The following BPGM variants were observed in gnomAD, a reference collection of about 807,000 sequenced individuals.
BPGM encodes the protein bisphosphoglycerate mutase.
In BPGM, 15 loss-of-function variants were observed where a neutral mutation model predicts 21.6. The observed-to-expected ratio is 0.70, with a 90% CI of 0.47 to 1.07. The LOEUF is 1.07. Ranked by LOEUF, BPGM falls within the 50% of genes least tolerant of loss-of-function variation. The pLI, the probability that BPGM is intolerant of heterozygous loss-of-function variation, is 0.00. For missense variants in BPGM, 273 were observed against 319.0 expected, an observed-to-expected ratio of 0.86 and a Z score of 1.10; for synonymous variants, 113 against 116.2, an observed-to-expected ratio of 0.97 and a Z score of 0.18.
At chr7:134,655,086 C>T (rs896119711) in intron 1 of BPGM, among the ~76,000 whole-genome samples, 1 of 151,970 alleles carries the variant, frequency 6.6e-6, no homozygotes, top group Non-Finnish European at 1.5e-5. Context: ...TACTTAAGTG[C>T]CAGTAACTTT....
rs889914935 is a variant in BPGM at position 134,679,255 on chromosome 7, G to A, written c.*224G>A. On this transcript the variant is annotated 3_prime_UTR_variant, in exon 3 of 3. Transcript: ENST00000344924. ...TAGCTTTCTTGCTAGCCCCCTAGTC[G>A]GTCACCAAACTAGTAACTAGTGGGG... The A allele has an allele frequency of 1.8e-5, 10 of 554,542 alleles. No homozygotes were observed. Among genetic ancestry groups the A allele is most frequent in the African/African-American group, 9.4e-5 (5 of 53,010 alleles). The allele number at this position is 554,542 out of a possible 1,614,324, so 34.4% of individuals were successfully genotyped here.
intron 2 of BPGM, among the ~76,000 whole-genome samples, chr7:134,665,178 TG>T (rs1795795557): frequency 6.6e-6 from 1 of 151,758 alleles, no homozygotes; most frequent in African/African-American, 2.4e-5. Flanking sequence ...CAGTGGGGGG[TG>T]GCAAACATAC....
chr7:134,666,948 T>G (rs1281743168), intron 2 of BPGM, among the ~76,000 whole-genome samples: 1 of 152,196 alleles, frequency 6.6e-6, no homozygotes, highest in Non-Finnish European at 1.5e-5. Context: ...TTTAGTGAGA[T>G]TTTAGCCCTT....
chr7:134,662,652 A>G (rs1305401971), intron 2 of BPGM, among the ~76,000 whole-genome samples: 1 of 152,204 alleles, frequency 6.6e-6, no homozygotes, highest in Non-Finnish European at 1.5e-5. Flanking sequence ...TGCTGTTCCT[A>G]GACGTAGGTT....
rs186198108 is a variant in BPGM, at chr7:134,657,929, T to C, written c.-61-3518T>C. Among the ~76,000 whole-genome samples, 668 of 152,288 alleles carry C rather than the reference T, an allele frequency of 4.4e-3. 3 individuals carry two copies. The highest frequency in any genetic ancestry group is 6.9e-3 in the Non-Finnish European group (470 of 68,016). ...TGGGTTCTGACCGTCTCCTGGGGTATAGTGGCTGTACCATTTATCTGTGGC... is the reference window on the plus strand; with the variant it reads ...TGGGTTCTGACCGTCTCCTGGGGTACAGTGGCTGTACCATTTATCTGTGGC... On this transcript the variant is annotated intron_variant, in intron 1 of 2. Coordinates refer to ENST00000344924, the MANE Select transcript of BPGM (RefSeq NM_001724.5).
In BPGM at chr7:134,679,086, T is replaced by C. The variant is rs1394484636; in HGVS notation, c.*55T>C. 19 of 1,577,414 alleles carry C rather than the reference T, an allele frequency of 1.2e-5. No homozygotes were observed. The East Asian group carries it at 3.8e-4, about 32-fold the overall frequency. Reference sequence around the variant, plus strand: ...GCAAAAGAAGTGGCATAGGAGTGTGTTATGGGTGCTGAACTCTCTCTCTTT... The same window carrying C: ...GCAAAAGAAGTGGCATAGGAGTGTGCTATGGGTGCTGAACTCTCTCTCTTT... On this transcript the variant is annotated 3_prime_UTR_variant, in exon 3 of 3. Coordinates refer to ENST00000344924, the MANE Select transcript of BPGM (RefSeq NM_001724.5).
In BPGM at chr7:134,661,314, G is replaced by A; in HGVS notation, c.-61-133G>A. 1 of 692,098 alleles carries A rather than the reference G, an allele frequency of 1.4e-6. No homozygotes were observed. The allele number at this position is 692,098 out of a possible 1,614,324, so 42.9% of individuals were successfully genotyped here. ...AGAATATGCCTGTATGTGTCACAGT[G>A]TATGAGTTATCACATTTCTGACTGT... On this transcript the variant is annotated intron_variant, in intron 1 of 2. Transcript: ENST00000344924. The surrounding 1 kb of genome is among the most constrained non-coding windows in gnomAD (Gnocchi z 4.6).
chr7:134,665,804 T>C (rs886785380), intron 2 of BPGM, among the ~76,000 whole-genome samples: 3 of 151,972 alleles, frequency 2.0e-5, no homozygotes, highest in Non-Finnish European at 4.4e-5. Context: ...TTTATTTTTA[T>C]TTTTTTAAGT....
chr7:134,651,054 T>C (rs1022843348), intron 1 of BPGM, among the ~76,000 whole-genome samples: 6 of 152,210 alleles, frequency 3.9e-5, no homozygotes, highest in African/African-American at 1.4e-4. Flanking sequence ...CCATCTTCTA[T>C]AAAGTTAGAT....
chr7:134,668,957 G>A (rs1795861411), intron 2 of BPGM, among the ~76,000 whole-genome samples: 1 of 152,148 alleles, frequency 6.6e-6, no homozygotes, highest in African/African-American at 2.4e-5. Context: ...TGATAGAGCT[G>A]TTTTATATCC....
chr7:134,667,746 C>A (rs1254131440), intron 2 of BPGM, among the ~76,000 whole-genome samples: 4 of 152,146 alleles, frequency 2.6e-5, no homozygotes, highest in Non-Finnish European at 5.9e-5. Context: ...ATGTAAACTT[C>A]TCCCATATAA....
intron 2 of BPGM, among the ~76,000 whole-genome samples, chr7:134,672,287 T>G (rs958067029): frequency 6.8e-5 from 1 of 14,634 alleles, no homozygotes; most frequent in Non-Finnish European, 9.0e-5. Context: ...AACACAGACT[T>G]AAAGACTTCA....
At chr7:134,660,751 C>CT (rs1433706152) in intron 1 of BPGM, 1 of 152,238 alleles carries the variant, frequency 6.6e-6, no homozygotes, top group Non-Finnish European at 1.5e-5. Context: ...GCTGAAAACT[C>CT]TATCTTGAGG....
intron 1 of BPGM, among the ~76,000 whole-genome samples, chr7:134,655,556 T>C (rs979707906): frequency 2.0e-5 from 3 of 152,186 alleles, no homozygotes; most frequent in Admixed American, 6.5e-5. Flanking sequence ...TTTTTTTCTG[T>C]GGAGATTATG....
In BPGM at chr7:134,672,551, G is replaced by A. The variant is rs566671514; in HGVS notation, c.602-6302G>A. 8.5e-5 allele frequency among the ~76,000 whole-genome samples: 13 copies of A among 152,276 alleles called. No individual in the cohort carries two copies. The South Asian group carries it at 2.7e-3, about 32-fold the overall frequency. On this transcript the variant is annotated intron_variant, in intron 2 of 2. Transcript: ENST00000344924. ...ACTGTATTTAACTCCACACCACTGTGGAGAGGGGTAGGTACAGGGTGAGAA... is the reference window on the plus strand; with the variant it reads ...ACTGTATTTAACTCCACACCACTGTAGAGAGGGGTAGGTACAGGGTGAGAA...
intron 2 of BPGM, among the ~76,000 whole-genome samples, chr7:134,678,522 C>G (rs1220725200): frequency 6.6e-6 from 1 of 152,284 alleles, no homozygotes; most frequent in Non-Finnish European, 1.5e-5. Flanking sequence ...TCTGATTTTT[C>G]GAGATTACCT....
chr7:134,679,376 T>C lies in BPGM; in HGVS notation c.*345T>C, dbSNP rs1172376460. On this transcript the variant is annotated 3_prime_UTR_variant, in exon 3 of 3. Coordinates refer to ENST00000344924, the MANE Select transcript of BPGM (RefSeq NM_001724.5). ...TCAAGAAATCATTATTGAGTCACCATTGACAGGCACTATTCTAATCAGTAG... is the reference window on the plus strand; with the variant it reads ...TCAAGAAATCATTATTGAGTCACCACTGACAGGCACTATTCTAATCAGTAG... The C allele has an allele frequency of 3.3e-6, 1 of 299,060 alleles. No individual in the cohort carries two copies. The highest frequency in any genetic ancestry group is 7.9e-5 in the East Asian group (1 of 12,596). The allele number at this position is 299,060 out of a possible 1,614,324, so 18.5% of individuals were successfully genotyped here.
rs1274666871 is a variant in BPGM at position 134,654,645 on chromosome 7, A to G, written c.-61-6802A>G. Among the ~76,000 whole-genome samples, 6 of 152,298 alleles carry G rather than the reference A, an allele frequency of 3.9e-5. No individual in the cohort carries two copies. In the East Asian group the frequency reaches 5.8e-4, roughly 15 times the overall value. On this transcript the variant is annotated intron_variant, in intron 1 of 2. Transcript: ENST00000344924. ...ATGATCATCTTCATAGTACTCTTAC[A>G]GGTAGGTAAGAAAATGCAGACACCC...
chr7:134,665,649 G>GAAAAAAAAAAA lies in BPGM; in HGVS notation c.601+3555_601+3565dup. On this transcript the variant is annotated intron_variant, in intron 2 of 2. Coordinates refer to ENST00000344924, the MANE Select transcript of BPGM (RefSeq NM_001724.5). Reference sequence around the variant, plus strand: ...AAAATAAAATAAAATAAAAATTAATGAAAAAAAAAAAAAAAAAAAAAAAAG... The same window carrying GAAAAAAAAAAA: ...AAAATAAAATAAAATAAAAATTAATGAAAAAAAAAAAAAAAAAAAAAAAAAAAAAAAAAAAG... Among the ~76,000 whole-genome samples the GAAAAAAAAAAA allele has an allele frequency of 1.4e-4, 11 of 78,250 alleles. 3 individuals are homozygous for GAAAAAAAAAAA. The highest frequency in any genetic ancestry group is 1.8e-4 in the Non-Finnish European group (6 of 32,464). The allele number at this position is 78,250 out of a possible 152,430, so 51.3% of individuals were successfully genotyped here.
Sources: gnomAD v4.1 joint callset for allele counts (sites outside exome capture counted in the v4.1 genomes callset) on GRCh38, gnomAD v4.1.1 for gene constraint, Gnocchi (gnomAD v3.1) non-coding constraint, MANE v1.5 for transcripts, NCBI Gene and HGNC (gene_info 2026-07-23, HGNC 2026-07-21) for gene names.